Variants in UNC13C observed in about 807,000 individuals in gnomAD.
The protein encoded by UNC13C is unc-13 homolog C.
In UNC13C, 174 loss-of-function variants were observed where a neutral mutation model predicts 245.4. The ratio of observed to expected loss-of-function variants is 0.71; its 90% CI spans 0.63 to 0.80. The LOEUF (loss-of-function observed/expected upper bound fraction) is 0.80, where lower values mean the gene tolerates loss of function less well. UNC13C is among the 30% of genes least tolerant of loss of function. The pLI is 0.00. For synonymous variants in UNC13C, 992 were observed against 895.1 expected, an observed-to-expected ratio of 1.11 and a Z score of -1.93; for missense variants, 2,829 against 2,602.9, an observed-to-expected ratio of 1.09 and a Z score of -1.89.
chr15:53,874,477 A>G, the UNC13C span, among the ~76,000 whole-genome samples: 1 of 152,202 alleles, frequency 6.6e-6, no homozygotes, highest in Non-Finnish European at 1.5e-5. Flanking sequence ...CAAAGACACC[A>G]TGGACTATGC....
At chr15:54,072,404 C>T (rs918282448) in intron 2 of UNC13C, among the ~76,000 whole-genome samples, 3 of 152,096 alleles carry the variant, frequency 2.0e-5, no homozygotes, top group Admixed American at 6.5e-5. Context: ...CATCAGAATG[C>T]CCAGCAAAAG....
intron 18 of UNC13C, among the ~76,000 whole-genome samples, chr15:54,412,070 A>G (rs1205335923): frequency 6.6e-6 from 1 of 151,890 alleles, no homozygotes; most frequent in Non-Finnish European, 1.5e-5. Context: ...ACACTGCTAT[A>G]AGGTGCACAC....
In UNC13C at chr15:54,393,545, T is replaced by C. The variant is rs564692427; in HGVS notation, c.4847+364T>C. ...AAGAGCTAGTGTTAAACATATTGCATTGTGGCTTTTTAATAATAAAGATTT... is the reference window on the plus strand; with the variant it reads ...AAGAGCTAGTGTTAAACATATTGCACTGTGGCTTTTTAATAATAAAGATTT... On this transcript the variant is annotated intron_variant, in intron 18 of 32. Coordinates refer to ENST00000260323, the MANE Select transcript of UNC13C (RefSeq NM_001080534.3). Among the ~76,000 whole-genome samples, 9 of 152,024 alleles carry C rather than the reference T, an allele frequency of 5.9e-5. No homozygotes were observed. The East Asian group carries it at 1.3e-3, about 23-fold the overall frequency.
At chr15:53,894,476 A>G in the UNC13C span, among the ~76,000 whole-genome samples, 7 of 152,232 alleles carry the variant, frequency 4.6e-5, no homozygotes, top group African/African-American at 1.7e-4. Context: ...TCAATTTTCC[A>G]GCTTTCCTTA....
chr15:54,185,478 T>C (rs1181074591), intron 4 of UNC13C, among the ~76,000 whole-genome samples: 1 of 150,942 alleles, frequency 6.6e-6, no homozygotes, highest in African/African-American at 2.5e-5. Context: ...GAGTTTCAGC[T>C]TTCTCCATAT....
chr15:53,922,359 A>G, the UNC13C span, among the ~76,000 whole-genome samples: 7 of 152,264 alleles, frequency 4.6e-5, no homozygotes, highest in Admixed American at 2.0e-4. Context: ...AATCCAACAC[A>G]TATTCACTTA....
chr15:54,106,225 T>C (rs1196604986), intron 2 of UNC13C, among the ~76,000 whole-genome samples: 1 of 152,222 alleles, frequency 6.6e-6, no homozygotes, highest in Non-Finnish European at 1.5e-5. Context: ...TAAAAACTCA[T>C]GTTTATAGAA....
chr15:54,038,124 A>ATATAAAAATTTTTTTTTT, intron 2 of UNC13C, among the ~76,000 whole-genome samples: 3 of 45,034 alleles, frequency 6.7e-5, no homozygotes, highest in African/African-American at 3.2e-4. Flanking sequence ...ATATATATAT[A>ATATAAAAATTTTTTTTTT]TTTTTTTTTT....
At chr15:54,065,323 C>T (rs951856449) in intron 2 of UNC13C, among the ~76,000 whole-genome samples, 2 of 152,160 alleles carry the variant, frequency 1.3e-5, no homozygotes, top group Non-Finnish European at 2.9e-5. Context: ...TTCCCAATTC[C>T]ACTCTCCGAT....
chr15:54,257,478 G>A (rs2036308975), intron 8 of UNC13C, among the ~76,000 whole-genome samples: 1 of 152,164 alleles, frequency 6.6e-6, no homozygotes, highest in African/African-American at 2.4e-5. Flanking sequence ...TGAGATGATT[G>A]AATATGGTGG....
intron 2 of UNC13C, among the ~76,000 whole-genome samples, chr15:54,086,628 G>A (rs1899252761): frequency 6.6e-6 from 1 of 151,882 alleles, no homozygotes; most frequent in Non-Finnish European, 1.5e-5. Flanking sequence ...GCGAAAAACA[G>A]GAATTATAAA....
At chr15:53,873,774 C>T in the UNC13C span, among the ~76,000 whole-genome samples, 69 of 1,248 alleles carry the variant, frequency 0.055, no homozygotes, top group African/African-American at 0.083. Flanking sequence ...TGAACCCCCA[C>T]GATCAAATGA....
At chr15:54,556,560 C>A (rs538507975) in intron 29 of UNC13C, among the ~76,000 whole-genome samples, 5 of 151,406 alleles carry the variant, frequency 3.3e-5, no homozygotes, top group Non-Finnish European at 7.4e-5. Flanking sequence ...AAAGAGGTAG[C>A]CAAAATGTTG....
At chr15:54,085,014 A>G (rs1375188171) in intron 2 of UNC13C, among the ~76,000 whole-genome samples, 1 of 152,316 alleles carries the variant, frequency 6.6e-6, no homozygotes, top group South Asian at 2.1e-4. Context: ...ATTTATTTTT[A>G]TAGAATAAAT....
intron 7 of UNC13C, among the ~76,000 whole-genome samples, chr15:54,245,933 G>A (rs2035978736): frequency 1.3e-5 from 2 of 152,100 alleles, no homozygotes. Context: ...TCATAGGTTA[G>A]TCACTGGTTA....
the UNC13C span, among the ~76,000 whole-genome samples, chr15:53,961,124 G>A: frequency 6.6e-5 from 10 of 152,132 alleles, no homozygotes; most frequent in Non-Finnish European, 1.3e-4. Context: ...CATCCCTGAG[G>A]TTTTGCTGCA....
chr15:54,545,419 A>C (rs1896440767), intron 26 of UNC13C, among the ~76,000 whole-genome samples: 1 of 152,178 alleles, frequency 6.6e-6, no homozygotes, highest in Admixed American at 6.5e-5. Flanking sequence ...CACCAAAACC[A>C]ATGGCAACAA....
In UNC13C at chr15:54,434,569, A is replaced by G. The variant is rs549347831; in HGVS notation, c.4933+19502A>G. Among the ~76,000 whole-genome samples, 8 of 152,288 alleles carry G rather than the reference A, an allele frequency of 5.3e-5. No individual in the cohort carries two copies. In the South Asian group the frequency reaches 1.4e-3, roughly 28 times the overall value. On this transcript the variant is annotated intron_variant, in intron 19 of 32. Coordinates refer to ENST00000260323, the MANE Select transcript of UNC13C (RefSeq NM_001080534.3). ...AAACTGGACCCCTTTCTTACACCTT[A>G]TACAAAAATTAACTCAAGATGGATT...
intron 10 of UNC13C, among the ~76,000 whole-genome samples, chr15:54,273,887 G>A (rs1596124672): frequency 1.3e-5 from 2 of 152,198 alleles, no homozygotes; most frequent in African/African-American, 4.8e-5. Context: ...CTGGGAGTCT[G>A]CAGATCCCTG....
Sources: gnomAD v4.1 joint callset for allele counts (sites outside exome capture counted in the v4.1 genomes callset) on GRCh38, gnomAD v4.1.1 for gene constraint, MANE v1.5 for transcripts, NCBI Gene and HGNC (gene_info 2026-07-23, HGNC 2026-07-21) for gene names.